BIRC6: variants seen among roughly 807,000 people sequenced by gnomAD.
The protein encoded by BIRC6 is baculoviral IAP repeat containing 6, also known as dual E2 ubiquitin-conjugating enzyme/E3 ubiquitin-protein ligase BIRC6.
In BIRC6, 98 loss-of-function variants were observed where a neutral mutation model predicts 503.3. The observed-to-expected ratio is 0.19, with a 90% CI of 0.17 to 0.23. The LOEUF (loss-of-function observed/expected upper bound fraction) is 0.23, where lower values mean the gene tolerates loss of function less well. Among genes scored for constraint, BIRC6 ranks in the 10% least tolerant of loss-of-function variants. The pLI is 1.00. For synonymous variants in BIRC6, 2,240 were observed against 2,078.7 expected, an observed-to-expected ratio of 1.08 and a Z score of -2.11; for missense variants, 5,360 against 5,806.0, an observed-to-expected ratio of 0.92 and a Z score of 2.50.
chr2:32,434,942 G>A (rs1269313234), intron 13 of BIRC6, among the ~76,000 whole-genome samples: 1 of 152,164 alleles, frequency 6.6e-6, no homozygotes, highest in African/African-American at 2.4e-5. Context: ...GTATACGGGA[G>A]GATATGAATA....
At chr2:32,489,500 AAAAT>A (rs1410578930) in intron 42 of BIRC6, among the ~76,000 whole-genome samples, 1 of 151,782 alleles carries the variant, frequency 6.6e-6, no homozygotes. Context: ...ATATATATAA[AAAAT>A]AAAAGAGTAA....
intron 46 of BIRC6, among the ~76,000 whole-genome samples, 158 bp downstream of exon 46, chr2:32,500,267 C>T (rs1426981257): frequency 6.6e-6 from 1 of 151,978 alleles, no homozygotes; most frequent in Non-Finnish European, 1.5e-5. Flanking sequence ...TGTTTAGGGG[C>T]TTCAATTAAT....
intron 4 of BIRC6, among the ~76,000 whole-genome samples, chr2:32,390,409 A>T (rs916057967): frequency 6.6e-6 from 1 of 151,684 alleles, no homozygotes; most frequent in Non-Finnish European, 1.5e-5. Context: ...TGACCTTATG[A>T]TCCACCCACC....
intron 62 of BIRC6, 107 bp from the exon 63 acceptor site, chr2:32,545,536 G>T (rs2057998624): frequency 1.1e-6 from 1 of 892,482 alleles, no homozygotes; most frequent in Admixed American, 1.9e-5. Context: ...TAATTTAGTG[G>T]TATACTTTTG....
In BIRC6 at chr2:32,594,075, C is replaced by T. The variant is rs756230852; in HGVS notation, c.13501+15C>T. On this transcript the variant is annotated intron_variant, in intron 67 of 73. Coordinates refer to ENST00000421745, the MANE Select transcript of BIRC6 (RefSeq NM_016252.4). ...AGCAAATCAGGGTACAAAACTTTTC[C>T]TATTATGCCACTTTTCATTTGATGT... 6.3e-7 allele frequency: 1 copy of T among 1,595,478 alleles called. No individual in the cohort carries two copies. The highest frequency in any genetic ancestry group is 8.5e-7 in the Non-Finnish European group (1 of 1,171,934).
At chr2:32,605,396 TAAAA>T (rs1235143587) in intron 71 of BIRC6, among the ~76,000 whole-genome samples, 2 of 152,192 alleles carry the variant, frequency 1.3e-5, no homozygotes, top group Non-Finnish European at 2.9e-5. Flanking sequence ...GTTAAATAAA[TAAAA>T]GAGTCCTTTT....
intron 10 of BIRC6, among the ~76,000 whole-genome samples, chr2:32,423,956 T>G (rs1462413383): frequency 6.6e-6 from 1 of 152,198 alleles, no homozygotes; most frequent in East Asian, 1.9e-4. Flanking sequence ...TGTGTTCAAG[T>G]AACCATTTTA....
chr2:32,425,064 A>G (rs1302288372), intron 10 of BIRC6, among the ~76,000 whole-genome samples: 5 of 151,066 alleles, frequency 3.3e-5, no homozygotes, highest in African/African-American at 1.2e-4. Context: ...TAATAGACGT[A>G]GAAATATCTA....
intron 68 of BIRC6, among the ~76,000 whole-genome samples, chr2:32,597,357 G>A (rs1024164289): frequency 1.3e-5 from 2 of 152,086 alleles, no homozygotes; most frequent in Non-Finnish European, 2.9e-5. Flanking sequence ...AAAACAGGCT[G>A]TGCATGTTTT....
At chr2:32,377,047 A>G (rs1558562102) in intron 1 of BIRC6, among the ~76,000 whole-genome samples, 1 of 152,178 alleles carries the variant, frequency 6.6e-6, no homozygotes, top group Non-Finnish European at 1.5e-5. Flanking sequence ...AAAAAATGAC[A>G]TCCAATAATT....
At chr2:32,599,516 T>G (rs926050676) in intron 69 of BIRC6, among the ~76,000 whole-genome samples, 2 of 151,790 alleles carry the variant, frequency 1.3e-5, no homozygotes, top group African/African-American at 4.8e-5. Context: ...CAGGCACGTG[T>G]GTTCCCAGCT....
At chr2:32,449,019 T>G in intron 22 of BIRC6, 91 bp downstream of exon 22, 5 of 1,305,020 alleles carry the variant, frequency 3.8e-6, no homozygotes, top group Non-Finnish European at 5.2e-6. Flanking sequence ...CATGATGTTT[T>G]GTCTTTAGAA....
At chr2:32,374,942 A>G (rs953256369) in intron 1 of BIRC6, among the ~76,000 whole-genome samples, 1 of 151,920 alleles carries the variant, frequency 6.6e-6, no homozygotes, top group African/African-American at 2.4e-5. Context: ...AAATCTGTAG[A>G]TCCATTTGGG....
chr2:32,594,950 T>C, intron 67 of BIRC6, 84 bp from the exon 68 acceptor site: 1 of 848,298 alleles, frequency 1.2e-6, no homozygotes, highest in South Asian at 2.2e-5. Flanking sequence ...ATTTGAACTC[T>C]AGAGGTGAAT....
Position 32,493,686 on chromosome 2 carries a change from A to ATTTG in BIRC6, c.8468+22_8468+25dup, listed in dbSNP as rs2052040310. On this transcript the variant is annotated intron_variant, in intron 45 of 73. Transcript: ENST00000421745. The stretch of plus-strand genomic sequence containing the variant: ...CTGAAAGGTAAATTTTTGTGTACTA[A>ATTTG]TTTGTTCCTGATATAGAAGTAACAT... 2 of 1,566,474 alleles carry ATTTG rather than the reference A, an allele frequency of 1.3e-6. No homozygotes were observed. Among genetic ancestry groups the ATTTG allele is most frequent in the South Asian group, 2.3e-5 (2 of 87,374 alleles).
chr2:32,440,210 G>A (rs2045257548), intron 16 of BIRC6, among the ~76,000 whole-genome samples: 1 of 152,206 alleles, frequency 6.6e-6, no homozygotes, highest in South Asian at 2.1e-4. Flanking sequence ...CCTAGCTTTT[G>A]TAATGTATAC....
At chr2:32,389,965 T>G (rs1336443718) in intron 4 of BIRC6, among the ~76,000 whole-genome samples, 1 of 151,846 alleles carries the variant, frequency 6.6e-6, no homozygotes, top group Non-Finnish European at 1.5e-5. Context: ...ATTCAAGCAA[T>G]TCTCCTGCCT....
At chr2:32,361,658 C>T (rs1289673203) in intron 1 of BIRC6, among the ~76,000 whole-genome samples, 1 of 152,156 alleles carries the variant, frequency 6.6e-6, no homozygotes, top group Non-Finnish European at 1.5e-5. Context: ...CTAAAGATCC[C>T]CTGCTCTGCC....
intron 57 of BIRC6, among the ~76,000 whole-genome samples, chr2:32,520,999 C>G (rs190721027): frequency 6.6e-6 from 1 of 152,216 alleles, no homozygotes; most frequent in African/African-American, 2.4e-5. Context: ...CTAAAACATT[C>G]TAGCATTCAA....
Sources: allele counts gnomAD v4.1 joint callset (sites outside exome capture counted in the v4.1 genomes callset), GRCh38; gene constraint gnomAD v4.1.1; transcripts MANE v1.5; gene names NCBI Gene and HGNC (gene_info 2026-07-23, HGNC 2026-07-21).